The following RAB27A variants were observed in gnomAD, a reference collection of about 807,000 sequenced individuals.
The protein encoded by RAB27A is RAB27A, member RAS oncogene family.
In RAB27A, 17 loss-of-function variants were observed where a neutral mutation model predicts 20.8. The observed-to-expected ratio is 0.82, with a 90% confidence interval of 0.56 to 1.23. RAB27A has a LOEUF of 1.23. Among genes scored for constraint, RAB27A ranks in the 50% most tolerant of loss-of-function variants. RAB27A has a pLI of 0.00. For synonymous variants in RAB27A, 85 were observed against 92.8 expected, an observed-to-expected ratio of 0.92 and a Z score of 0.48; for missense variants, 277 against 266.7, an observed-to-expected ratio of 1.04 and a Z score of -0.27.
chr15:55,230,212 C>T (rs980227825), intron 4 of RAB27A, among the ~76,000 whole-genome samples, 189 bp downstream of exon 4: 1 of 152,222 alleles, frequency 6.6e-6, no homozygotes, highest in Admixed American at 6.5e-5. Flanking sequence ...GTCATAACCT[C>T]TCCCTTGACC....
chr15:55,236,818 T>A (rs28499877), intron 2 of RAB27A, among the ~76,000 whole-genome samples: 33,861 of 152,076 alleles, frequency 0.22, 6,869 homozygotes, highest in African/African-American at 0.53. Context: ...GGTATTTATT[T>A]CCTCGAGTAT....
At chr15:55,243,727 T>A (rs1415862947) in intron 2 of RAB27A, among the ~76,000 whole-genome samples, 1 of 152,182 alleles carries the variant, frequency 6.6e-6, no homozygotes, top group African/African-American at 2.4e-5. Context: ...ATTGAATACT[T>A]ATTATATGCT....
chr15:55,228,635 CTT>C lies in RAB27A; in HGVS notation c.315_316del (p.Ser106PhefsTer18). 6.2e-7 allele frequency: 1 copy of C among 1,611,154 alleles called. No homozygotes were observed. The highest frequency in any genetic ancestry group is 8.5e-7 in the Non-Finnish European group (1 of 1,177,276). On this transcript the variant is annotated frameshift_variant, in exon 5 of 7. Transcript: ENST00000336787. LOFTEE classifies it high-confidence loss of function. ...TATCCAGTTTCTGACATTGAGGAAA[CTT>C]TGCTCATTTGTCAGATCAAAAAGTA...
intron 2 of RAB27A, among the ~76,000 whole-genome samples, chr15:55,302,982 T>TGG (rs376983317): frequency 5.7e-5 from 7 of 123,562 alleles, no homozygotes; most frequent in Admixed American, 1.5e-4. Flanking sequence ...AAGAGGGAGG[T>TGG]GGGGGGGGGT....
intron 6 of RAB27A, among the ~76,000 whole-genome samples, chr15:55,211,513 C>T (rs1288960063): frequency 6.6e-6 from 1 of 152,106 alleles, no homozygotes; most frequent in Non-Finnish European, 1.5e-5. Context: ...TTCTTTGCAG[C>T]TATTGTAAAT....
At chr15:55,310,104 C>T (rs1281489924) in intron 2 of RAB27A, among the ~76,000 whole-genome samples, 2 of 152,116 alleles carry the variant, frequency 1.3e-5, no homozygotes, top group Non-Finnish European at 2.9e-5. Context: ...ATGTCTCTCC[C>T]TAACAAGGGT....
intron 2 of RAB27A, among the ~76,000 whole-genome samples, chr15:55,236,153 A>G (rs1208088022): frequency 7.0e-6 from 1 of 142,362 alleles, no homozygotes; most frequent in African/African-American, 3.0e-5. Flanking sequence ...TTCCCCAAAA[A>G]CCTATGGAAA....
intron 6 of RAB27A, among the ~76,000 whole-genome samples, chr15:55,210,251 T>C (rs1894952864): frequency 9.3e-6 from 1 of 106,992 alleles, no homozygotes; most frequent in African/African-American, 5.0e-5. Context: ...ATTAGTGGAG[T>C]TGCTGGATCA....
At chr15:55,246,125 A>T (rs556192776) in intron 2 of RAB27A, among the ~76,000 whole-genome samples, 1 of 151,346 alleles carries the variant, frequency 6.6e-6, no homozygotes, top group Non-Finnish European at 1.5e-5. Context: ...ATATATACAC[A>T]TTTATAAATG....
chr15:55,278,684 A>G (rs915085359), intron 1 of RAB27A, among the ~76,000 whole-genome samples: 7 of 152,090 alleles, frequency 4.6e-5, no homozygotes, highest in Admixed American at 6.5e-5. Context: ...GGGTTTCACC[A>G]TGTTAGCCAG....
intron 2 of RAB27A, among the ~76,000 whole-genome samples, chr15:55,241,484 T>C (rs147779158): frequency 0.011 from 1,730 of 151,732 alleles, 41 homozygotes; most frequent in African/African-American, 0.04. Context: ...TCATCTTCCT[T>C]ATTTTTAAAA....
chr15:55,219,502 C>G (rs1367092291), intron 6 of RAB27A, among the ~76,000 whole-genome samples: 1 of 152,208 alleles, frequency 6.6e-6, no homozygotes, highest in African/African-American at 2.4e-5. Flanking sequence ...GCAGCAACAT[C>G]TAGAAACTGA....
intron 2 of RAB27A, among the ~76,000 whole-genome samples, chr15:55,258,066 C>CAAAAAAAA (rs553999609): frequency 1.6e-5 from 1 of 61,980 alleles, no homozygotes; most frequent in Non-Finnish European, 3.2e-5. Context: ...GACTCAGTCT[C>CAAAAAAAA]AAAAAAAAAA....
At chr15:55,312,246 A>G (rs1290076058) in intron 2 of RAB27A, among the ~76,000 whole-genome samples, 11 of 152,196 alleles carry the variant, frequency 7.2e-5, no homozygotes, top group Non-Finnish European at 5.9e-5. Flanking sequence ...GCGGCAAACA[A>G]CAGGGGTGGA....
rs55842331 is a variant in RAB27A at position 55,254,798 on chromosome 15, G to A, written c.-23+15367C>T. Among the ~76,000 whole-genome samples, 1,243 of 152,296 alleles carry A rather than the reference G, an allele frequency of 8.2e-3. 23 individuals are homozygous for A. The highest frequency in any genetic ancestry group is 0.029 in the African/African-American group (1,192 of 41,562). ...CAGGCACAAAATATTTATGAACTCG[G>A]GAGCAGCCCAAACATAAAGATAAAA... On this transcript the variant is annotated intron_variant, in intron 2 of 6. Transcript: ENST00000336787.
chr15:55,263,982 T>G (rs1209426746), intron 2 of RAB27A, among the ~76,000 whole-genome samples: 2 of 152,226 alleles, frequency 1.3e-5, no homozygotes, highest in African/African-American at 4.8e-5. Context: ...AATACAACAT[T>G]TAGTCCACAC....
intron 2 of RAB27A, among the ~76,000 whole-genome samples, chr15:55,262,028 C>T (rs1897286818): frequency 6.7e-6 from 1 of 148,250 alleles, no homozygotes; most frequent in South Asian, 2.1e-4. Flanking sequence ...CAGGGCGAGA[C>T]TCCATCCCAA....
chr15:55,315,303 A>G (rs1350543267), intron 1 of RAB27A, among the ~76,000 whole-genome samples: 3 of 152,234 alleles, frequency 2.0e-5, no homozygotes, highest in Non-Finnish European at 4.4e-5. Context: ...AAAACCATAA[A>G]AAGTCTAGAA....
At chr15:55,295,330 C>G (rs1016582105) in intron 2 of RAB27A, among the ~76,000 whole-genome samples, 2 of 152,170 alleles carry the variant, frequency 1.3e-5, no homozygotes, top group African/African-American at 4.8e-5. Context: ...GATGACCTAG[C>G]AAGCCTATTC....
Sources: allele counts gnomAD v4.1 joint callset (sites outside exome capture counted in the v4.1 genomes callset), GRCh38; gene constraint gnomAD v4.1.1; transcripts MANE v1.5; gene names NCBI Gene and HGNC (gene_info 2026-07-23, HGNC 2026-07-21).